The following ST6GALNAC6 variants were observed in gnomAD, a reference collection of about 807,000 sequenced individuals.
ST6GALNAC6 encodes the protein ST6 N-acetylgalactosaminide alpha-2,6-sialyltransferase 6.
A neutral mutation model predicts 34.3 loss-of-function variants in ST6GALNAC6; 19 were observed. The observed-to-expected ratio is 0.55, with a 90% confidence interval of 0.39 to 0.81. ST6GALNAC6 has a LOEUF of 0.81. ST6GALNAC6 is among the 40% of genes least tolerant of loss of function. ST6GALNAC6 has a pLI of 0.00. For synonymous variants in ST6GALNAC6, 185 were observed against 182.1 expected (o/e 1.02, Z -0.13); for missense variants, 377 against 467.7 (o/e 0.81, Z 1.79).
At chr9:127,887,685 T>C in intron 5 of ST6GALNAC6, 94 bp from the exon 6 acceptor site, 1 of 959,170 alleles carries the variant, frequency 1.0e-6, no homozygotes, top group Non-Finnish European at 1.6e-6. Context: ...CTGGAACTCC[T>C]CCCATCCACT....
At chr9:127,897,417 T>A in intron 2 of ST6GALNAC6, 1 of 986,474 alleles carries the variant, frequency 1.0e-6, no homozygotes, top group Non-Finnish European at 1.2e-6. Flanking sequence ...CCAGAGAACC[T>A]CGGGCCAGAG....
chr9:127,886,356 T>C lies in ST6GALNAC6; in HGVS notation c.*243A>G, dbSNP rs529866210. ...AAATACCCCCTCTACCCTGATTGAC[T>C]GTGCGCAGACCCTGACTGCACAAGA... On this transcript the variant is annotated 3_prime_UTR_variant, in exon 7 of 7. Coordinates refer to ENST00000373146, the MANE Select transcript of ST6GALNAC6 (RefSeq NM_013443.5). 1.7e-6 allele frequency: 2 copies of C among 1,177,436 alleles called. No individual in the cohort carries two copies. Among genetic ancestry groups the C allele is most frequent in the Admixed American group, 2.9e-5 (1 of 33,966 alleles). The allele number at this position is 1,177,436 out of a possible 1,614,324, so 72.9% of individuals were successfully genotyped here.
chr9:127,891,073 C>T (rs775538605), intron 4 of ST6GALNAC6, 30 bp from the exon 5 acceptor site: 11 of 1,608,208 alleles, frequency 6.8e-6, no homozygotes, highest in South Asian at 2.2e-5. Context: ...AACATTATCA[C>T]GGCCACTCTG....
chr9:127,886,466 T>G lies in ST6GALNAC6; in HGVS notation c.*133A>C. ...AGGCCCTGATTGGCTGGAGGATACATCCTCCTCAAGGCCCTGATTGGCTGG... is the reference window on the plus strand; with the variant it reads ...AGGCCCTGATTGGCTGGAGGATACAGCCTCCTCAAGGCCCTGATTGGCTGG... On this transcript the variant is annotated 3_prime_UTR_variant, in exon 7 of 7. Coordinates refer to ENST00000373146, the MANE Select transcript of ST6GALNAC6 (RefSeq NM_013443.5). 2 of 1,459,252 alleles carry G rather than the reference T, an allele frequency of 1.4e-6. No homozygotes were observed. Among genetic ancestry groups the G allele is most frequent in the South Asian group, 1.4e-5 (1 of 70,000 alleles). 90.4% of individuals were successfully genotyped at this position (1,459,252 alleles called of 1,614,324 possible). A position where few individuals can be genotyped will look rare whatever the true frequency, so the allele number is the denominator to read the frequency against.
intron 5 of ST6GALNAC6, among the ~76,000 whole-genome samples, chr9:127,889,814 C>T (rs1354668307): frequency 6.6e-6 from 1 of 152,114 alleles, no homozygotes; most frequent in South Asian, 2.1e-4. Context: ...AAGTTAATGC[C>T]ATTTATAATA....
intron 1 of ST6GALNAC6, among the ~76,000 whole-genome samples, chr9:127,898,670 G>A (rs1571143): frequency 0.78 from 118,152 of 152,268 alleles, 49,163 homozygotes; most frequent in Non-Finnish European, 0.93. Context: ...CAGATAAGGA[G>A]ACTGAGGTTC....
At position 127,894,588 on chromosome 9, in the gene ST6GALNAC6, C is replaced by A. The variant is rs765764486; in HGVS notation, c.221G>T (p.Arg74Leu). Reference sequence around the variant, plus strand: ...GTTGACAGGTCGGCGGCTACGGCCCCGCAGGGAGCCGTAATGGAAGACCTC... The same window carrying A: ...GTTGACAGGTCGGCGGCTACGGCCCAGCAGGGAGCCGTAATGGAAGACCTC... The part of the protein sequence containing the change: ...ANEVFHYGSL[R>L]GRSRRPVNLK... The change falls in exon 4 of 7, where the codon CGG becomes CTG. Residue 74 changes from arginine to leucine, a missense_variant. Arg to Leu is a moderately radical substitution (Grantham distance 102, BLOSUM62 -2). Coordinates refer to ENST00000373146, the MANE Select transcript of ST6GALNAC6 (RefSeq NM_013443.5). The A allele has an allele frequency of 6.2e-7, 1 of 1,614,140 alleles. No homozygotes were observed. Among genetic ancestry groups the A allele is most frequent in the African/African-American group, 1.3e-5 (1 of 75,028 alleles).
At chr9:127,889,711 G>A (rs1298655676) in intron 5 of ST6GALNAC6, among the ~76,000 whole-genome samples, 2 of 151,992 alleles carry the variant, frequency 1.3e-5, no homozygotes, top group Admixed American at 6.6e-5. Context: ...CCAAAGTACT[G>A]GGATTACAGG....
At position 127,886,800 on chromosome 9, in the gene ST6GALNAC6, C is replaced by A; in HGVS notation, c.813-12G>T. On this transcript the variant is annotated splice_polypyrimidine_tract_variant and intron_variant, in intron 6 of 6. Coordinates refer to ENST00000373146, the MANE Select transcript of ST6GALNAC6 (RefSeq NM_013443.5). ...GGCGGGGCCGCTGGCTGGGACAGAG[C>A]AGACGGGCGTCATCAGGGCAAGGTG... The A allele has an allele frequency of 1.3e-6, 2 of 1,586,452 alleles. No homozygotes were observed. Among genetic ancestry groups the A allele is most frequent in the South Asian group, 1.1e-5 (1 of 87,336 alleles).
In ST6GALNAC6 at chr9:127,890,243, C is replaced by A. The variant is rs1206068057; in HGVS notation, c.704+394G>T. 1.3e-5 allele frequency among the ~76,000 whole-genome samples: 2 copies of A among 152,204 alleles called. No individual in the cohort carries two copies. The highest frequency in any genetic ancestry group is 4.8e-5 in the African/African-American group (2 of 41,446). On this transcript the variant is annotated intron_variant, in intron 5 of 6. Coordinates refer to ENST00000373146, the MANE Select transcript of ST6GALNAC6 (RefSeq NM_013443.5). The surrounding 1 kb of genome is among the most constrained non-coding windows in gnomAD (Gnocchi z 4.3). ...GGAGTGATGCATCGCTGGAGCAGAG[C>A]ATGCCAGGAGCAACTGTGTGCTTAA...
chr9:127,898,577 G>A (rs1830609661), intron 1 of ST6GALNAC6, among the ~76,000 whole-genome samples: 1 of 152,216 alleles, frequency 6.6e-6, no homozygotes, highest in Non-Finnish European at 1.5e-5. Context: ...GGAATATCAA[G>A]GAATGTGTGG....
Position 127,890,152 on chromosome 9 carries a change from A to G in ST6GALNAC6, c.704+485T>C, listed in dbSNP as rs1308262155. ...AAAATAAATGACATATGTGGCTCAC[A>G]TAGATTTCTATTGGGCAGCACTGGC... On this transcript the variant is annotated intron_variant, in intron 5 of 6. Transcript: ENST00000373146. The surrounding 1 kb of genome is among the most constrained non-coding windows in gnomAD (Gnocchi z 4.3). Among the ~76,000 whole-genome samples the G allele has an allele frequency of 6.6e-6, 1 of 152,246 alleles. No homozygotes were observed. Among genetic ancestry groups the G allele is most frequent in the Admixed American group, 6.5e-5 (1 of 15,290 alleles).
chr9:127,896,565 C>A (rs929609794), intron 2 of ST6GALNAC6, among the ~76,000 whole-genome samples: 6 of 152,216 alleles, frequency 3.9e-5, no homozygotes, highest in African/African-American at 9.7e-5. Context: ...TAAGCAGGGG[C>A]CTTCCCACAC....
At chr9:127,895,291 G>A (rs969381224) in intron 3 of ST6GALNAC6, among the ~76,000 whole-genome samples, 1 of 152,334 alleles carries the variant, frequency 6.6e-6, no homozygotes, top group African/African-American at 2.4e-5. Flanking sequence ...TTGCTAGGGA[G>A]GCTCCTTCAG....
At chr9:127,894,429 C>T (rs947526711) in intron 4 of ST6GALNAC6, 83 bp downstream of exon 4, 14 of 1,521,486 alleles carry the variant, frequency 9.2e-6, no homozygotes, top group Middle Eastern at 4.4e-4. Flanking sequence ...CTCTCAGGGT[C>T]CACCTTTCCT....
chr9:127,905,279 T>C (rs1052162890), exon 1 of ST6GALNAC6: 6 of 985,454 alleles, frequency 6.1e-6, no homozygotes, highest in South Asian at 4.7e-5. Flanking sequence ...CAGCCTTCAG[T>C]AGACCCCGAA....
intron 1 of ST6GALNAC6, chr9:127,904,762 C>T (rs975705606): frequency 3.9e-5 from 6 of 152,362 alleles, no homozygotes; most frequent in African/African-American, 1.2e-4. Context: ...GCTCCATAGC[C>T]CAAGACCTGG....
At chr9:127,901,410 T>C (rs1282973622), upstream of ST6GALNAC6, among the ~76,000 whole-genome samples, 1 of 151,062 alleles carries the variant, frequency 6.6e-6, no homozygotes, top group Admixed American at 6.6e-5. Context: ...GCTAACATGG[T>C]GAAACCCCGT....
rs138414464 is a variant in ST6GALNAC6 at position 127,885,442 on chromosome 9, C to T, written c.*1157G>A. On this transcript the variant is annotated 3_prime_UTR_variant, in exon 7 of 7. Transcript: ENST00000373146. ...GCTGCTGGCCTCCTCCATCTGGTCC[C>T]TCCAGCCTCACAGCCTCCTCCTGAA... 141 of 152,766 alleles carry T rather than the reference C, an allele frequency of 9.2e-4. 1 individual carries two copies. Among genetic ancestry groups the T allele is most frequent in the African/African-American group, 3.3e-3 (138 of 41,588 alleles). The allele number at this position is 152,766 out of a possible 1,614,324, so 9.5% of individuals were successfully genotyped here. A position where few individuals can be genotyped will look rare whatever the true frequency, so the allele number is the denominator to read the frequency against.
Sources: allele counts gnomAD v4.1 joint callset (sites outside exome capture counted in the v4.1 genomes callset), GRCh38; gene constraint gnomAD v4.1.1; non-coding constraint Gnocchi (gnomAD v3.1); transcripts MANE v1.5; gene names NCBI Gene and HGNC (gene_info 2026-07-23, HGNC 2026-07-21).